The following EFNA5 variants were observed in gnomAD, a reference collection of about 807,000 sequenced individuals.
EFNA5 encodes the protein ephrin-A5.
In EFNA5, 5 loss-of-function variants were observed where a neutral mutation model predicts 22.9. The observed-to-expected ratio is 0.22, with a 90% CI of 0.11 to 0.46. EFNA5 has a LOEUF of 0.46. EFNA5 is among the 20% of genes least tolerant of loss of function. The pLI is 0.99. For synonymous variants in EFNA5, 113 were observed against 112.2 expected (o/e 1.01, Z -0.04); for missense variants, 237 against 293.3 (o/e 0.81, Z 1.40).
chr5:107,558,668 G>A (rs939897383), intron 1 of EFNA5, among the ~76,000 whole-genome samples: 1 of 152,180 alleles, frequency 6.6e-6, no homozygotes, highest in African/African-American at 2.4e-5. Context: ...TAGCAGATAA[G>A]GGCAAAGGGA....
chr5:107,532,791 G>A (rs1747842627), intron 1 of EFNA5, among the ~76,000 whole-genome samples: 1 of 152,154 alleles, frequency 6.6e-6, no homozygotes, highest in Non-Finnish European at 1.5e-5. Flanking sequence ...GCCATGTGAA[G>A]CAGAGAATAT....
At chr5:107,490,869 G>A (rs1746785710) in intron 1 of EFNA5, among the ~76,000 whole-genome samples, 1 of 152,050 alleles carries the variant, frequency 6.6e-6, no homozygotes, top group South Asian at 2.1e-4. Flanking sequence ...TAACCATTAG[G>A]GCAGTATTAA....
intron 1 of EFNA5, among the ~76,000 whole-genome samples, chr5:107,490,366 G>C (rs1243046993): frequency 6.6e-6 from 1 of 152,106 alleles, no homozygotes; most frequent in African/African-American, 2.4e-5. Context: ...AAGTAGCTGA[G>C]ACTACAGGTG....
At chr5:107,383,309 A>G (rs981077578) in intron 4 of EFNA5, among the ~76,000 whole-genome samples, 2 of 152,192 alleles carry the variant, frequency 1.3e-5, no homozygotes, top group Non-Finnish European at 2.9e-5. Context: ...TGCAGAAAAA[A>G]TATATATAAA....
At chr5:107,417,568 G>A (rs759190468) in intron 2 of EFNA5, among the ~76,000 whole-genome samples, 10 of 152,118 alleles carry the variant, frequency 6.6e-5, no homozygotes, top group South Asian at 2.1e-4. Flanking sequence ...ATAATGCCTC[G>A]TTCTCTGCAT....
At chr5:107,463,180 G>A (rs1389713370) in intron 1 of EFNA5, among the ~76,000 whole-genome samples, 2 of 152,082 alleles carry the variant, frequency 1.3e-5, no homozygotes, top group African/African-American at 4.8e-5. Flanking sequence ...CAAAGATTTT[G>A]AGGTAATTCA....
chr5:107,410,827 G>A (rs1173916349), intron 2 of EFNA5, among the ~76,000 whole-genome samples: 1 of 152,106 alleles, frequency 6.6e-6, no homozygotes, highest in Non-Finnish European at 1.5e-5. Flanking sequence ...ACTGGCCCTA[G>A]ATCTGATTAG....
At chr5:107,435,067 T>A (rs995051750) in intron 1 of EFNA5, among the ~76,000 whole-genome samples, 5 of 152,242 alleles carry the variant, frequency 3.3e-5, no homozygotes, top group African/African-American at 1.2e-4. Flanking sequence ...AATTCTACTA[T>A]TACTGATTTA....
Position 107,670,684 on chromosome 5 carries a change from G to T in EFNA5, c.-71C>A. On this transcript the variant is annotated 5_prime_UTR_variant, in exon 1 of 5. Transcript: ENST00000333274. ...AGAGCGGGGATCCGGAGGGAGGGAG[G>T]CAGGCAAAGGGACAGAGAGAGAGCG... 6.4e-7 allele frequency: 1 copy of T among 1,556,796 alleles called. No homozygotes were observed.
chr5:107,458,465 A>G (rs1218046238), intron 1 of EFNA5, among the ~76,000 whole-genome samples: 1 of 152,018 alleles, frequency 6.6e-6, no homozygotes, highest in Non-Finnish European at 1.5e-5. Context: ...TTTGAGCAGG[A>G]GTTATCTACA....
intron 1 of EFNA5, among the ~76,000 whole-genome samples, chr5:107,543,813 G>A (rs1561427647): frequency 6.6e-6 from 1 of 152,158 alleles, no homozygotes; most frequent in East Asian, 1.9e-4. Context: ...ATTAGCCTTG[G>A]TGAAATGATC....
intron 1 of EFNA5, among the ~76,000 whole-genome samples, chr5:107,591,361 C>A (rs1749321000): frequency 1.3e-5 from 2 of 152,046 alleles, no homozygotes; most frequent in Non-Finnish European, 2.9e-5. Flanking sequence ...CACCAGGTAC[C>A]CCTGGAGGTG....
intron 1 of EFNA5, among the ~76,000 whole-genome samples, chr5:107,541,538 C>G (rs1748048357): frequency 6.6e-6 from 1 of 152,180 alleles, no homozygotes; most frequent in Non-Finnish European, 1.5e-5. Flanking sequence ...TCAGTTTTCT[C>G]TAGTATAACA....
intron 2 of EFNA5, among the ~76,000 whole-genome samples, chr5:107,418,369 G>A (rs1561377512): frequency 6.6e-6 from 1 of 152,194 alleles, no homozygotes; most frequent in Non-Finnish European, 1.5e-5. Context: ...TGTTTATAAG[G>A]CTGAGAATTA....
At chr5:107,487,466 A>C (rs1444133977) in intron 1 of EFNA5, among the ~76,000 whole-genome samples, 1 of 152,254 alleles carries the variant, frequency 6.6e-6, no homozygotes, top group Non-Finnish European at 1.5e-5. Context: ...TAGTATTTGC[A>C]GAAATAATGA....
chr5:107,382,588 G>C (rs1747499920), intron 4 of EFNA5, among the ~76,000 whole-genome samples: 1 of 152,084 alleles, frequency 6.6e-6, no homozygotes, highest in Non-Finnish European at 1.5e-5. Flanking sequence ...TCCCAGGCTA[G>C]TCTCAAACTC....
chr5:107,488,415 T>A (rs1233272640), intron 1 of EFNA5, among the ~76,000 whole-genome samples: 1 of 152,212 alleles, frequency 6.6e-6, no homozygotes, highest in Non-Finnish European at 1.5e-5. Flanking sequence ...AGTAAAGAAA[T>A]GATGTGCTAG....
At chr5:107,497,578 C>T (rs180714265) in intron 1 of EFNA5, among the ~76,000 whole-genome samples, 58 of 152,264 alleles carry the variant, frequency 3.8e-4, no homozygotes, top group African/African-American at 1.3e-3. Flanking sequence ...TGTTTGGTGT[C>T]TGCATCTCAC....
At chr5:107,517,785 C>T (rs986737771) in intron 1 of EFNA5, among the ~76,000 whole-genome samples, 1 of 152,164 alleles carries the variant, frequency 6.6e-6, no homozygotes, top group African/African-American at 2.4e-5. Context: ...TAAGGTTGTA[C>T]ATCACTTAGA....
Sources: gnomAD v4.1 joint callset for allele counts (sites outside exome capture counted in the v4.1 genomes callset) on GRCh38, gnomAD v4.1.1 for gene constraint, MANE v1.5 for transcripts, NCBI Gene and HGNC (gene_info 2026-07-23, HGNC 2026-07-21) for gene names.